Variants in GSG1L observed in about 807,000 individuals in gnomAD.
GSG1L encodes GSG1 like, also known as germ cell-specific gene 1-like protein.
GSG1L carries 24 observed loss-of-function variants against 42.1 expected under a neutral mutation model. The ratio of observed to expected loss-of-function variants is 0.57; its 90% CI spans 0.41 to 0.80. The LOEUF is 0.80. Ranked by LOEUF, GSG1L falls within the 30% of genes least tolerant of loss-of-function variation. The pLI, the probability that GSG1L is intolerant of heterozygous loss-of-function variation, is 0.00. For synonymous variants in GSG1L, 215 were observed against 203.5 expected (o/e 1.06, Z -0.48); for missense variants, 445 against 472.2 (o/e 0.94, Z 0.53).
chr16:28,032,099 A>G (rs983789243), intron 1 of GSG1L, among the ~76,000 whole-genome samples: 19 of 152,262 alleles, frequency 1.2e-4, no homozygotes, highest in African/African-American at 4.6e-4. Context: ...GAGAAGAGAC[A>G]GCTCCGGCTC....
intron 1 of GSG1L, among the ~76,000 whole-genome samples, chr16:27,978,615 T>C (rs12447707): frequency 0.68 from 102,105 of 149,606 alleles, 34,933 homozygotes; most frequent in South Asian, 0.85. Flanking sequence ...TGCTTGAACC[T>C]GGGAGGCGGA....
chr16:27,932,611 C>T (rs1266318731), intron 2 of GSG1L, among the ~76,000 whole-genome samples: 1 of 152,114 alleles, frequency 6.6e-6, no homozygotes. Context: ...GAAATCCACC[C>T]CCATGATCCA....
intron 2 of GSG1L, among the ~76,000 whole-genome samples, chr16:27,898,648 C>A (rs2084219506): frequency 6.6e-6 from 1 of 151,366 alleles, no homozygotes; most frequent in African/African-American, 2.4e-5. Context: ...TCTCTTCTCC[C>A]TTTCTGCCTC....
intron 1 of GSG1L, among the ~76,000 whole-genome samples, chr16:27,997,940 A>G (rs762842069): frequency 1.4e-4 from 21 of 147,102 alleles, no homozygotes; most frequent in Non-Finnish European, 2.4e-4. Flanking sequence ...GCTCACTGTA[A>G]CCTCCACCTC....
intron 3 of GSG1L, among the ~76,000 whole-genome samples, chr16:27,878,385 G>C (rs1387376001): frequency 6.6e-6 from 1 of 152,172 alleles, no homozygotes; most frequent in East Asian, 1.9e-4. Flanking sequence ...ATTGAGCAAA[G>C]TAGGAACCCC....
intron 1 of GSG1L, among the ~76,000 whole-genome samples, chr16:28,001,141 A>T (rs1018906729): frequency 6.6e-5 from 10 of 152,106 alleles, no homozygotes; most frequent in Non-Finnish European, 1.3e-4. Flanking sequence ...ATCCCTCAAA[A>T]CCACTGGCTG....
At chr16:27,876,722 C>T (rs941114850) in intron 3 of GSG1L, among the ~76,000 whole-genome samples, 11 of 152,326 alleles carry the variant, frequency 7.2e-5, no homozygotes, top group African/African-American at 2.4e-4. Context: ...CCCCAAACTC[C>T]TGTCCAAAAC....
intron 4 of GSG1L, among the ~76,000 whole-genome samples, chr16:27,836,650 T>C (rs905565217): frequency 6.6e-6 from 1 of 152,224 alleles, no homozygotes; most frequent in African/African-American, 2.4e-5. Context: ...AGCCCAACCA[T>C]TGAGCTTTCT....
At chr16:27,835,982 T>C (rs1206518040) in intron 4 of GSG1L, among the ~76,000 whole-genome samples, 1 of 152,186 alleles carries the variant, frequency 6.6e-6, no homozygotes, top group Non-Finnish European at 1.5e-5. Flanking sequence ...AAAATTTCCA[T>C]TTTGTTTAGA....
intron 2 of GSG1L, among the ~76,000 whole-genome samples, chr16:27,930,313 G>A (rs1265356262): frequency 1.3e-5 from 2 of 152,100 alleles, no homozygotes; most frequent in Non-Finnish European, 2.9e-5. Context: ...CACCTCCTGG[G>A]GGTCTTCACT....
At chr16:28,013,932 G>A (rs187660378) in intron 1 of GSG1L, among the ~76,000 whole-genome samples, 1 of 152,210 alleles carries the variant, frequency 6.6e-6, no homozygotes, top group South Asian at 2.1e-4. Context: ...CACTGACAAC[G>A]ACCAGGGTGC....
At chr16:28,046,092 G>A (rs565115817) in intron 1 of GSG1L, among the ~76,000 whole-genome samples, 1 of 152,272 alleles carries the variant, frequency 6.6e-6, no homozygotes, top group African/African-American at 2.4e-5. Flanking sequence ...AAATCATGTA[G>A]GATTTCAGGA....
In GSG1L at chr16:27,865,572, T is replaced by C. The variant is rs1006411975; in HGVS notation, c.550+18914A>G. On this transcript the variant is annotated intron_variant, in intron 3 of 6. Transcript: ENST00000447459. The stretch of plus-strand genomic sequence containing the variant: ...ATATATATATATATATATATATATA[T>C]ACACACACACATACATACATACACA... Among the ~76,000 whole-genome samples, 58 of 21,536 alleles carry C rather than the reference T, an allele frequency of 2.7e-3. 1 individual carries two copies. The highest frequency in any genetic ancestry group is 4.3e-3 in the African/African-American group (28 of 6,474). 14.1% of individuals were successfully genotyped at this position (21,536 alleles called of 152,430 possible). A position where few individuals can be genotyped will look rare whatever the true frequency, so the allele number is the denominator to read the frequency against.
chr16:28,006,319 ATTTAT>A (rs1197169666), intron 1 of GSG1L, among the ~76,000 whole-genome samples: 1 of 151,708 alleles, frequency 6.6e-6, no homozygotes, highest in Admixed American at 6.6e-5. Flanking sequence ...TTATTTATTT[ATTTAT>A]TTAAGACAGA....
chr16:27,849,324 C>T (rs1339040423), intron 3 of GSG1L, among the ~76,000 whole-genome samples: 1 of 151,992 alleles, frequency 6.6e-6, no homozygotes, highest in Non-Finnish European at 1.5e-5. Flanking sequence ...TGGCTCTCAC[C>T]CTATGCAGGA....
intron 1 of GSG1L, among the ~76,000 whole-genome samples, chr16:28,013,202 A>G (rs1370924175): frequency 6.9e-6 from 1 of 144,860 alleles, no homozygotes; most frequent in Non-Finnish European, 1.5e-5. Context: ...CTGGGCCACA[A>G]GAGCAAAACT....
chr16:28,003,131 G>C (rs915996599), intron 1 of GSG1L, among the ~76,000 whole-genome samples: 2 of 152,104 alleles, frequency 1.3e-5, no homozygotes, highest in African/African-American at 4.8e-5. Context: ...CTCGTGCTGG[G>C]GCAGCCTTAA....
At chr16:27,857,444 A>G (rs1296094522) in intron 3 of GSG1L, among the ~76,000 whole-genome samples, 2 of 143,382 alleles carry the variant, frequency 1.4e-5, no homozygotes, top group Non-Finnish European at 3.1e-5. Context: ...AAAAAAAAAG[A>G]AAGAAAGGCG....
intron 3 of GSG1L, among the ~76,000 whole-genome samples, chr16:27,879,127 G>T (rs1378161293): frequency 6.6e-6 from 1 of 152,192 alleles, no homozygotes; most frequent in Non-Finnish European, 1.5e-5. Flanking sequence ...TTGGAGTCTA[G>T]TCAGAAGAAG....
Sources: allele counts gnomAD v4.1 joint callset (sites outside exome capture counted in the v4.1 genomes callset), GRCh38; gene constraint gnomAD v4.1.1; transcripts MANE v1.5; gene names NCBI Gene and HGNC (gene_info 2026-07-23, HGNC 2026-07-21).